WAPL: variants seen among roughly 807,000 people sequenced by gnomAD.
WAPL encodes wings apart-like protein homolog.
A neutral mutation model predicts 121.0 loss-of-function variants in WAPL; 5 were observed. The observed-to-expected ratio is 0.04, with a 90% CI of 0.02 to 0.09. The LOEUF (loss-of-function observed/expected upper bound fraction) is 0.09, where lower values mean the gene tolerates loss of function less well. WAPL is among the 10% of genes least tolerant of loss of function. The pLI, the probability that WAPL is intolerant of heterozygous loss-of-function variation, is 1.00. For missense variants in WAPL, 999 were observed against 1,410.8 expected (o/e 0.71, Z 4.68); for synonymous variants, 480 against 481.5 (o/e 1.00, Z 0.04).
intron 2 of WAPL, among the ~76,000 whole-genome samples, chr10:86,501,808 A>T (rs1267506432): frequency 6.6e-6 from 1 of 152,128 alleles, no homozygotes; most frequent in East Asian, 1.9e-4. Flanking sequence ...CCTCCTGAGC[A>T]GCACTCCCAA....
At chr10:86,511,233 GCC>G (rs1261863700) in intron 2 of WAPL, among the ~76,000 whole-genome samples, 4 of 152,158 alleles carry the variant, frequency 2.6e-5, no homozygotes, top group African/African-American at 9.7e-5. Flanking sequence ...CACTGCATGA[GCC>G]CAGGAGTTTG....
intron 4 of WAPL, among the ~76,000 whole-genome samples, chr10:86,484,566 A>G (rs760701298): frequency 2.6e-5 from 4 of 152,192 alleles, no homozygotes; most frequent in African/African-American, 4.8e-5. Context: ...AGAAACTATT[A>G]TAACTTTAGT....
chr10:86,474,740 A>G (rs1414052249), intron 4 of WAPL, among the ~76,000 whole-genome samples: 1 of 152,180 alleles, frequency 6.6e-6, no homozygotes, highest in African/African-American at 2.4e-5. Context: ...AAAATTTAAA[A>G]AATAGTAATG....
intron 18 of WAPL, 113 bp from the exon 19 acceptor site, chr10:86,437,721 T>C (rs1463485558): frequency 4.3e-6 from 5 of 1,164,766 alleles, no homozygotes. Flanking sequence ...CAAATCAAAG[T>C]ACACCGAGAT....
At position 86,488,212 on chromosome 10, in the gene WAPL, C is replaced by T. The variant is rs75192440; in HGVS notation, c.1644+8989G>A. 3.1e-3 allele frequency among the ~76,000 whole-genome samples: 477 copies of T among 152,290 alleles called. 2 individuals carry two copies. Among genetic ancestry groups the T allele is most frequent in the African/African-American group, 0.011 (453 of 41,568 alleles). On this transcript the variant is annotated intron_variant, in intron 4 of 18. Coordinates refer to ENST00000298767, the MANE Select transcript of WAPL (RefSeq NM_015045.5). ...ATACACAGAATGACCATGAAATAGA[C>T]ATGTGTCTGTATATGAAACAGTATA...
intron 11 of WAPL, among the ~76,000 whole-genome samples, chr10:86,459,852 G>A (rs1163059819): frequency 1.3e-5 from 2 of 152,288 alleles, no homozygotes; most frequent in Middle Eastern, 3.4e-3. Flanking sequence ...AAAGTGTAAC[G>A]CCTGTAATCC....
At chr10:86,485,154 C>A (rs906649384) in intron 4 of WAPL, among the ~76,000 whole-genome samples, 11 of 145,004 alleles carry the variant, frequency 7.6e-5, no homozygotes, top group Non-Finnish European at 1.1e-4. Context: ...CTCCTGATAA[C>A]CCCTGGCCAC....
chr10:86,454,402 T>C (rs1841079881), intron 12 of WAPL, among the ~76,000 whole-genome samples: 1 of 151,764 alleles, frequency 6.6e-6, no homozygotes, highest in African/African-American at 2.4e-5. Context: ...TCTCCCTCTC[T>C]CTCCACGGTC....
chr10:86,475,457 C>T (rs946150578), intron 4 of WAPL, among the ~76,000 whole-genome samples: 1 of 152,222 alleles, frequency 6.6e-6, no homozygotes, highest in Non-Finnish European at 1.5e-5. Context: ...ACTAGCTGCA[C>T]TGAAGCAACA....
At chr10:86,511,008 TG>T (rs1309460996) in intron 2 of WAPL, among the ~76,000 whole-genome samples, 31 of 141,466 alleles carry the variant, frequency 2.2e-4, no homozygotes, top group African/African-American at 4.8e-4. Context: ...TTTTTTTTTT[TG>T]AAGAAATGGG....
chr10:86,485,322 C>T (rs551550276), intron 4 of WAPL, among the ~76,000 whole-genome samples: 1 of 152,072 alleles, frequency 6.6e-6, no homozygotes, highest in Admixed American at 6.5e-5. Context: ...GGAGGCGGAT[C>T]GCTTGAGATC....
At chr10:86,492,129 G>T (rs1480482384) in intron 4 of WAPL, among the ~76,000 whole-genome samples, 2 of 152,066 alleles carry the variant, frequency 1.3e-5, no homozygotes, top group Non-Finnish European at 2.9e-5. Flanking sequence ...TATTCTTTGT[G>T]TCTGAGTTAT....
chr10:86,450,875 T>C (rs1028329786), intron 15 of WAPL, among the ~76,000 whole-genome samples: 1 of 152,114 alleles, frequency 6.6e-6, no homozygotes, highest in African/African-American at 2.4e-5. Flanking sequence ...TCACACATAA[T>C]AGAGAACAAA....
At chr10:86,500,782 T>C (rs977282508) in intron 2 of WAPL, 39 bp from the exon 3 acceptor site, 2 of 1,476,248 alleles carry the variant, frequency 1.4e-6, no homozygotes, top group Non-Finnish European at 9.0e-7. Context: ...ATGAGTGGTA[T>C]CAACATAAAA....
chr10:86,490,033 G>A (rs1431945454), intron 4 of WAPL, among the ~76,000 whole-genome samples: 1 of 152,044 alleles, frequency 6.6e-6, no homozygotes, highest in African/African-American at 2.4e-5. Flanking sequence ...TGGCAAACAG[G>A]TGAAACCCCA....
At chr10:86,503,881 C>G (rs7087092) in intron 2 of WAPL, among the ~76,000 whole-genome samples, 146,541 of 152,380 alleles carry the variant, frequency 0.96, 70,607 homozygotes, top group East Asian at 1. Context: ...TAGAAAATGG[C>G]GCTAGGGGCC....
At chr10:86,455,312 G>C (rs1349921113) in intron 12 of WAPL, among the ~76,000 whole-genome samples, 2 of 151,632 alleles carry the variant, frequency 1.3e-5, no homozygotes, top group African/African-American at 4.9e-5. Context: ...GTAGACATAG[G>C]AGACTCCATT....
intron 4 of WAPL, among the ~76,000 whole-genome samples, chr10:86,478,337 G>A (rs1841706118): frequency 6.6e-6 from 1 of 151,944 alleles, no homozygotes; most frequent in African/African-American, 2.4e-5. Flanking sequence ...GCTGAGGTGG[G>A]AGGATCACCT....
chr10:86,514,210 G>A (rs915916727), intron 2 of WAPL, among the ~76,000 whole-genome samples: 2 of 152,230 alleles, frequency 1.3e-5, no homozygotes, highest in African/African-American at 4.8e-5. Flanking sequence ...CCAGTTTAGA[G>A]GGGAGAGACA....
Sources: allele counts gnomAD v4.1 joint callset (sites outside exome capture counted in the v4.1 genomes callset), GRCh38; gene constraint gnomAD v4.1.1; transcripts MANE v1.5; gene names NCBI Gene and HGNC (gene_info 2026-07-23, HGNC 2026-07-21).